Variants in LAMA1 observed in about 807,000 individuals in gnomAD.
The protein encoded by LAMA1 is laminin subunit alpha 1, also known as laminin subunit alpha-1.
A neutral mutation model predicts 348.7 loss-of-function variants in LAMA1; 219 were observed. The ratio of observed to expected loss-of-function variants is 0.63; its 90% CI spans 0.56 to 0.70. The LOEUF (loss-of-function observed/expected upper bound fraction) is 0.70. Ranked by LOEUF, LAMA1 falls within the 30% of genes least tolerant of loss-of-function variation. The pLI is 0.00. For synonymous variants in LAMA1, 1,487 were observed against 1,491.0 expected (o/e 1.00, Z 0.06); for missense variants, 3,744 against 3,888.0 (o/e 0.96, Z 0.99).
intron 36 of LAMA1, among the ~76,000 whole-genome samples, chr18:6,991,771 T>C (rs1568021466): frequency 6.6e-6 from 1 of 152,188 alleles, no homozygotes; most frequent in Non-Finnish European, 1.5e-5. Context: ...TAAATAAATA[T>C]TTGATATTTC....
Position 7,026,041 on chromosome 18 carries a change from AG to A in LAMA1, c.2339del (p.Pro780LeufsTer18). ...GGCAGTCCCCAGGTGTCCCTCGGGA[AG>A]GCTCCCCGTAGAAGCCGGGCAAGCA... is the stretch of plus-strand genomic sequence containing the variant. ...EQCLPGFYGE[P>X]SRGTPGDCQP... On this transcript the variant is annotated frameshift_variant, in exon 17 of 63. Transcript: ENST00000389658. LOFTEE classifies it high-confidence loss of function. The A allele has an allele frequency of 1.2e-6, 2 of 1,610,282 alleles. No individual in the cohort carries two copies. The highest frequency in any genetic ancestry group is 1.7e-6 in the Non-Finnish European group (2 of 1,178,114).
intron 1 of LAMA1, among the ~76,000 whole-genome samples, chr18:7,113,588 G>A (rs917371970): frequency 5.9e-5 from 9 of 152,132 alleles, no homozygotes; most frequent in Admixed American, 4.6e-4. Context: ...GTGAGAAATG[G>A]GAAGAATTTT....
At position 7,032,152 on chromosome 18, in the gene LAMA1, C is replaced by T. The variant is rs200570694; in HGVS notation, c.2188G>A (p.Val730Met). The T allele has an allele frequency of 1.2e-5, 20 of 1,613,928 alleles. No homozygotes were observed. The highest frequency in any genetic ancestry group is 2.2e-5 in the South Asian group (2 of 91,070). ...CESCLSGYYR[V>M]DGILFGGICQ... ...ATTCCTCCAAAGAGTATTCCATCCA[C>T]GCGGTAATAGCCAGAGAGGCACGAC... Residue 730 changes from valine to methionine, a missense_variant, in exon 16 of 63, where the codon GTG (valine) becomes ATG (methionine). Transcript: ENST00000389658.
At position 6,958,478 on chromosome 18, in the gene LAMA1, C is replaced by A; in HGVS notation, c.7963G>T (p.Glu2655Ter). 3 of 1,614,122 alleles carry A rather than the reference C, an allele frequency of 1.9e-6. No individual in the cohort carries two copies. Among genetic ancestry groups the A allele is most frequent in the Non-Finnish European group, 2.5e-6 (3 of 1,180,010 alleles). ...GCIKNLIFNLELLDFNSAVGH... is the reference protein window; with the variant it reads ...GCIKNLIFNL Reference sequence around the variant, plus strand: ...CATGCAGAGAGCAGGTACACTTACTCCAAATTGAAGATCAGGTTTTTGATA... The same window carrying A: ...CATGCAGAGAGCAGGTACACTTACTACAAATTGAAGATCAGGTTTTTGATA... The change falls in exon 55 of 63, where the codon GAA becomes TAA. Residue 2655 changes from glutamate to a stop codon, truncating the protein, a stop_gained and splice_region_variant. Transcript: ENST00000389658. LOFTEE classifies it high-confidence loss of function.
At position 6,978,271 on chromosome 18, in the gene LAMA1, T is replaced by G; in HGVS notation, c.6115A>C (p.Thr2039Pro). 4 of 1,614,212 alleles carry G rather than the reference T, an allele frequency of 2.5e-6. No individual in the cohort carries two copies. Among genetic ancestry groups the G allele is most frequent in the Non-Finnish European group, 2.5e-6 (3 of 1,180,042 alleles). Residue 2039 changes from threonine (T) to proline (P), a missense_variant, in exon 43 of 63, where the codon ACA becomes CCA. Around this residue, in one of 3 missense-constraint regions of LAMA1, gnomAD observed 1,983 missense variants for 1,934.3 expected, o/e 1.03. Transcript: ENST00000389658. ...TTGACCCTGGACAGGCTGGCAGATGTGTTCAGCAGCTCCTGGCTCAGCCCC... is the reference window on the plus strand; with the variant it reads ...TTGACCCTGGACAGGCTGGCAGATGGGTTCAGCAGCTCCTGGCTCAGCCCC... ...VAGLSQELLNTSASLSRVNTT... is the reference protein window; with the variant it reads ...VAGLSQELLNPSASLSRVNTT...
Position 7,024,407 on chromosome 18 carries a change from G to A in LAMA1, c.2462C>T (p.Pro821Leu), listed in dbSNP as rs767024233. Reference protein sequence around the residue: ...GDEVVCDWCAPGYSGAWCERC... With the variant: ...GDEVVCDWCALGYSGAWCERC... Reference sequence around the variant, plus strand: ...CTCACACCAAGCTCCTGAGTAGCCCGGGGCACACCAGTCACAGACCACTTC... The same window carrying A: ...CTCACACCAAGCTCCTGAGTAGCCCAGGGCACACCAGTCACAGACCACTTC... The change falls in exon 18 of 63, where the codon CCG becomes CTG. Residue 821 changes from proline (P) to leucine (L), a missense_variant. Physicochemically the swap from Pro to Leu is moderately conservative, Grantham distance 98. Around this residue, in one of 3 missense-constraint regions of LAMA1, gnomAD observed 1,529 missense variants for 1,689.4 expected, o/e 0.91. Coordinates refer to ENST00000389658, the MANE Select transcript of LAMA1 (RefSeq NM_005559.4). The A allele has an allele frequency of 7.4e-6, 12 of 1,613,848 alleles. No individual in the cohort carries two copies. Among genetic ancestry groups the A allele is most frequent in the East Asian group, 4.5e-5 (2 of 44,892 alleles).
chr18:7,115,129 G>C (rs2058350529), intron 1 of LAMA1, among the ~76,000 whole-genome samples: 1 of 152,144 alleles, frequency 6.6e-6, no homozygotes, highest in Non-Finnish European at 1.5e-5. Flanking sequence ...GGCCCTTAGA[G>C]AATACAGTGA....
intron 1 of LAMA1, among the ~76,000 whole-genome samples, chr18:7,086,537 C>A (rs919113701): frequency 2.0e-5 from 3 of 151,154 alleles, no homozygotes; most frequent in African/African-American, 7.3e-5. Flanking sequence ...TGCCCCACTG[C>A]ACTTATCATT....
chr18:7,011,398 G>C lies in LAMA1; in HGVS notation c.3589C>G (p.Gln1197Glu). Residue 1197 changes from glutamine (Q) to glutamate (E), a missense_variant, in exon 25 of 63, where the codon CAG becomes GAG. Gln to Glu is a conservative substitution (Grantham distance 29). Coordinates refer to ENST00000389658, the MANE Select transcript of LAMA1 (RefSeq NM_005559.4). ...LRGTTEGVYYQAPDFLLDAAT... is the reference protein window; with the variant it reads ...LRGTTEGVYYEAPDFLLDAAT... ...GCATCCAGCAGGAAGTCGGGGGCCT[G>C]GTAGTAAACCCCCTCGGTCGTGCCC... 6.2e-7 allele frequency: 1 copy of C among 1,610,568 alleles called. No homozygotes were observed. Among genetic ancestry groups the C allele is most frequent in the Non-Finnish European group, 8.5e-7 (1 of 1,178,676 alleles).
intron 1 of LAMA1, among the ~76,000 whole-genome samples, chr18:7,113,787 G>A (rs993899083): frequency 2.0e-5 from 3 of 152,060 alleles, no homozygotes; most frequent in South Asian, 2.1e-4. Flanking sequence ...AATAAAAAAT[G>A]GGAAAGAGGC....
intron 56 of LAMA1, 101 bp downstream of exon 56, chr18:6,956,529 CCAGCTT>C (rs762070954): frequency 7.4e-7 from 1 of 1,357,660 alleles, no homozygotes; most frequent in South Asian, 1.1e-5. Context: ...AGCTCCAGCT[CCAGCTT>C]TCGCAGGCAC....
intron 27 of LAMA1, among the ~76,000 whole-genome samples, 174 bp from the exon 28 acceptor site, chr18:7,008,782 T>C (rs1307634576): frequency 6.6e-6 from 1 of 152,206 alleles, no homozygotes. Context: ...CTAACTGTCA[T>C]GACACACTTT....
In LAMA1 at chr18:6,943,259, G is replaced by A. The variant is rs555663460; in HGVS notation, c.8988C>T (p.Asn2996=). 45 of 1,614,162 alleles carry A rather than the reference G, an allele frequency of 2.8e-5. 1 individual carries two copies. The Middle Eastern group carries it at 4.9e-4, about 18-fold the overall frequency. ...TGTGTGGACTTTCAGCGCCAACTGC[G>A]TTCCCGTCAACAATCAGAGTGATAC... ...KHRITLIVDG[N]AVGAESPHTQ... Residue 2996 remains asparagine, a synonymous_variant, in exon 62 of 63, where the codon AAC becomes AAT. Transcript: ENST00000389658.
chr18:6,999,769 C>T, intron 31 of LAMA1, 131 bp from the exon 32 acceptor site: 1 of 1,157,680 alleles, frequency 8.6e-7, no homozygotes, highest in Non-Finnish European at 1.3e-6. Flanking sequence ...TGTTCTGGAA[C>T]AGTAATGAGG....
Position 6,947,368 on chromosome 18 carries a change from C to CT in LAMA1, c.8711-73dup, listed in dbSNP as rs538789838. On this transcript the variant is annotated intron_variant, in intron 60 of 62. Transcript: ENST00000389658. The stretch of plus-strand genomic sequence containing the variant: ...CCAGGTTGAGCATTTGGCCTCCTGG[C>CT]TAGGGGTTGGGGGACCTGGCTCTAG... 314 of 1,598,300 alleles carry CT rather than the reference C, an allele frequency of 2.0e-4. 2 individuals are homozygous for CT. The African/African-American group carries it at 4.0e-3, about 20-fold the overall frequency.
intron 57 of LAMA1, chr18:6,955,110 A>C (rs1290486800): frequency 5.5e-6 from 3 of 542,246 alleles, no homozygotes; most frequent in Non-Finnish European, 9.9e-6. Context: ...ATGCACACAG[A>C]AAGGGGAAGC....
chr18:7,022,682 T>G (rs1337520683), intron 19 of LAMA1, among the ~76,000 whole-genome samples: 3 of 152,152 alleles, frequency 2.0e-5, no homozygotes, highest in African/African-American at 7.2e-5. Flanking sequence ...TTCAGCAGAG[T>G]GCCATAGGGG....
chr18:6,966,042 C>T (rs147622309), intron 49 of LAMA1, 105 bp downstream of exon 49: 15,622 of 1,239,048 alleles, frequency 0.013, 151 homozygotes, highest in Non-Finnish European at 0.014. Context: ...GTATGGTATA[C>T]ATATGTACAT....
intron 3 of LAMA1, among the ~76,000 whole-genome samples, chr18:7,055,511 G>A (rs1415309715): frequency 1.3e-5 from 2 of 150,024 alleles, no homozygotes; most frequent in African/African-American, 2.4e-5. Context: ...ACATATATGT[G>A]TATGTCTTGG....
Sources: gnomAD v4.1 joint callset for allele counts (sites outside exome capture counted in the v4.1 genomes callset) on GRCh38, gnomAD v4.1.1 for gene constraint, gnomAD v4.1.1 regional missense constraint, MANE v1.5 for transcripts, NCBI Gene and HGNC (gene_info 2026-07-23, HGNC 2026-07-21) for gene names.